FHAD1: variants seen among roughly 807,000 people sequenced by gnomAD.
The protein encoded by FHAD1 is forkhead associated phosphopeptide binding domain 1, also known as forkhead-associated domain-containing protein 1.
FHAD1 carries 146 observed loss-of-function variants against 191.3 expected under a neutral mutation model. The ratio of observed to expected loss-of-function variants is 0.76; its 90% CI spans 0.67 to 0.88. The LOEUF (loss-of-function observed/expected upper bound fraction) is 0.88, where lower values mean the gene tolerates loss of function less well. FHAD1 is among the 40% of genes least tolerant of loss of function. FHAD1 has a pLI of 0.00. For synonymous variants in FHAD1, 616 were observed against 672.3 expected, an observed-to-expected ratio of 0.92 and a Z score of 1.29; for missense variants, 1,635 against 1,785.8, an observed-to-expected ratio of 0.92 and a Z score of 1.52.
At chr1:15,367,679 G>A in intron 25 of FHAD1, 57 bp downstream of exon 25, 17 of 1,399,488 alleles carry the variant, frequency 1.2e-5, no homozygotes, top group Admixed American at 2.0e-5. Context: ...GGGAGCCGCT[G>A]AGTATTGCAG....
intron 22 of FHAD1, among the ~76,000 whole-genome samples, chr1:15,362,263 G>T (rs771810748): frequency 1.3e-5 from 2 of 152,232 alleles, no homozygotes; most frequent in Admixed American, 1.3e-4. Context: ...GGTGTAAATG[G>T]GAGGTGAGGA....
chr1:15,339,897 C>T (rs917212698), intron 15 of FHAD1, among the ~76,000 whole-genome samples: 60 of 152,178 alleles, frequency 3.9e-4, no homozygotes, highest in African/African-American at 1.4e-3. Flanking sequence ...GCAATCTCGG[C>T]TCATTGCAAC....
intron 15 of FHAD1, 32 bp from the exon 16 acceptor site, chr1:15,341,704 A>G: frequency 6.5e-7 from 1 of 1,534,814 alleles, no homozygotes; most frequent in Non-Finnish European, 8.8e-7. Flanking sequence ...CCTGTCCCCC[A>G]TCAGCATCGG....
chr1:15,359,967 G>T (rs1391737312), intron 21 of FHAD1, among the ~76,000 whole-genome samples: 1 of 151,892 alleles, frequency 6.6e-6, no homozygotes, highest in African/African-American at 2.4e-5. Flanking sequence ...AAAAAAATTA[G>T]CTGAGTGTGT....
chr1:15,291,566 C>T (rs757603399), intron 4 of FHAD1, among the ~76,000 whole-genome samples: 7 of 152,128 alleles, frequency 4.6e-5, no homozygotes, highest in South Asian at 2.1e-4. Context: ...AATTAACATA[C>T]GGTGTGTATT....
At chr1:15,307,882 C>A (rs1212061759) in intron 6 of FHAD1, among the ~76,000 whole-genome samples, 1 of 152,146 alleles carries the variant, frequency 6.6e-6, no homozygotes, top group Non-Finnish European at 1.5e-5. Context: ...AGGTGCCCGC[C>A]ACCACACCCA....
chr1:15,279,941 C>T (rs1659963320), intron 3 of FHAD1, among the ~76,000 whole-genome samples: 1 of 152,160 alleles, frequency 6.6e-6, no homozygotes, highest in African/African-American at 2.4e-5. Flanking sequence ...TAAGCTGAGC[C>T]TCCGTAATGA....
chr1:15,398,358 G>A (rs56291357), downstream of FHAD1, among the ~76,000 whole-genome samples: 6,429 of 151,212 alleles, frequency 0.043, 433 homozygotes, highest in African/African-American at 0.15. Flanking sequence ...AATGACTAAC[G>A]TCTGTATAGC....
Position 15,247,370 on chromosome 1 carries a change from G to C in FHAD1, c.-40G>C, listed in dbSNP as rs770498355. On this transcript the variant is annotated 5_prime_UTR_variant, in exon 1 of 34. Transcript: ENST00000688493. ...CTGGCAGGGCTCTCGGCGGAGGTCG[G>C]AGCGTGGGCTTCCTCCTCCCGCCAG... 9 of 228,210 alleles carry C rather than the reference G, an allele frequency of 3.9e-5. No individual in the cohort carries two copies. The highest frequency in any genetic ancestry group is 3.1e-4 in the South Asian group (9 of 28,902). 14.1% of individuals were successfully genotyped at this position (228,210 alleles called of 1,614,324 possible).
chr1:15,254,915 A>G (rs1927188), intron 2 of FHAD1, among the ~76,000 whole-genome samples: 88,742 of 151,580 alleles, frequency 0.59, 26,242 homozygotes, highest in East Asian at 0.7. Flanking sequence ...AGCTACAGGC[A>G]TGTCCATATT....
intron 4 of FHAD1, among the ~76,000 whole-genome samples, chr1:15,292,214 C>T (rs543291668): frequency 1.4e-4 from 21 of 152,310 alleles, no homozygotes; most frequent in Non-Finnish European, 5.9e-5. Flanking sequence ...GTGGCATGAT[C>T]TCGACTCATT....
intron 2 of FHAD1, among the ~76,000 whole-genome samples, chr1:15,256,256 C>T (rs1257803512): frequency 6.6e-6 from 1 of 152,136 alleles, no homozygotes; most frequent in African/African-American, 2.4e-5. Flanking sequence ...GATTGTTAAA[C>T]ATGAATCCCA....
chr1:15,274,348 C>T (rs2101377959), intron 3 of FHAD1, among the ~76,000 whole-genome samples: 1 of 152,260 alleles, frequency 6.6e-6, no homozygotes, highest in South Asian at 2.1e-4. Context: ...TGGCTCACAC[C>T]TGTAATCCCA....
intron 3 of FHAD1, among the ~76,000 whole-genome samples, chr1:15,287,696 T>A (rs1276373977): frequency 6.6e-6 from 1 of 152,084 alleles, no homozygotes; most frequent in Non-Finnish European, 1.5e-5. Context: ...CACCAGGTGA[T>A]CGGAGTTTGG....
chr1:15,387,735 A>G (rs780364367), intron 31 of FHAD1, among the ~76,000 whole-genome samples: 1 of 152,094 alleles, frequency 6.6e-6, no homozygotes, highest in Non-Finnish European at 1.5e-5. Flanking sequence ...AATTAAAAAA[A>G]TTAGCTGGGT....
intron 24 of FHAD1, 104 bp from the exon 25 acceptor site, chr1:15,367,356 CGTG>C: frequency 7.9e-7 from 1 of 1,261,398 alleles, no homozygotes; most frequent in Non-Finnish European, 1.1e-6. Context: ...ATTAGCCAGT[CGTG>C]GTGGCGCATG....
At chr1:15,395,025 T>C (rs996972932) in intron 33 of FHAD1, among the ~76,000 whole-genome samples, 2 of 151,946 alleles carry the variant, frequency 1.3e-5, no homozygotes, top group Non-Finnish European at 2.9e-5. Context: ...ATAAAACCTA[T>C]GGGAAAGGCT....
intron 2 of FHAD1, among the ~76,000 whole-genome samples, chr1:15,259,782 A>G (rs6666201): frequency 0.71 from 107,911 of 152,020 alleles, 39,354 homozygotes; most frequent in East Asian, 0.95. Context: ...ATCCTGTCTC[A>G]GGTGTCGGGG....
At position 15,363,689 on chromosome 1, in the gene FHAD1, G is replaced by T. The variant is rs926990238; in HGVS notation, c.3047+963G>T. 3 of 453,832 alleles carry T rather than the reference G, an allele frequency of 6.6e-6. No individual in the cohort carries two copies. In the East Asian group the frequency reaches 2.1e-4, roughly 32 times the overall value. 28.1% of individuals were successfully genotyped at this position (453,832 alleles called of 1,614,324 possible). A position where few individuals can be genotyped will look rare whatever the true frequency, so the allele number is the denominator to read the frequency against. The stretch of plus-strand genomic sequence containing the variant: ...GTAAAGGGTGAGAAGTTAAGGGGTC[G>T]GCTAAGTGACCTTAAATAAATGATT... On this transcript the variant is annotated intron_variant, in intron 23 of 33. Coordinates refer to ENST00000688493, the MANE Select transcript of FHAD1 (RefSeq NM_001391957.1).
Sources: gnomAD v4.1 joint callset for allele counts (sites outside exome capture counted in the v4.1 genomes callset) on GRCh38, gnomAD v4.1.1 for gene constraint, MANE v1.5 for transcripts, NCBI Gene and HGNC (gene_info 2026-07-23, HGNC 2026-07-21) for gene names.